Variants in FAM124A observed in about 807,000 individuals in gnomAD.
FAM124A encodes protein FAM124A.
FAM124A carries 23 observed loss-of-function variants against 24.5 expected under a neutral mutation model. The ratio of observed to expected loss-of-function variants is 0.94; its 90% CI spans 0.68 to 1.33. FAM124A has a LOEUF of 1.33. Among genes scored for constraint, FAM124A ranks in the 40% most tolerant of loss-of-function variants. The probability of loss-of-function intolerance (pLI) is 0.00; values close to 1 mark genes in which losing one functional copy is unlikely to be tolerated. For missense variants in FAM124A, 623 were observed against 722.8 expected, an observed-to-expected ratio of 0.86 and a Z score of 1.58; for synonymous variants, 287 against 314.7, an observed-to-expected ratio of 0.91 and a Z score of 0.93.
chr13:51,280,687 C>A lies in FAM124A; in HGVS notation c.1072C>A (p.Gln358Lys), dbSNP rs1175662156. 6.2e-7 allele frequency: 1 copy of A among 1,614,044 alleles called. No individual in the cohort carries two copies. Among genetic ancestry groups the A allele is most frequent in the Non-Finnish European group, 8.5e-7 (1 of 1,180,046 alleles). Reference protein sequence around the residue: ...NSTPNPPWSFQRSKSLFCLPT... With the variant: ...NSTPNPPWSFKRSKSLFCLPT... ...CACCCCCAACCCTCCCTGGTCTTTC[C>A]AGAGAAGCAAGTCCTTGTTTTGTTT... The change falls in exon 4 of 4, where the codon CAG becomes AAG. Residue 358 changes from glutamine (Q) to lysine (K), a missense_variant. Transcript: ENST00000322475.
intron 3 of FAM124A, among the ~76,000 whole-genome samples, chr13:51,259,741 A>G (rs979307728): frequency 2.0e-5 from 3 of 152,132 alleles, no homozygotes; most frequent in Non-Finnish European, 4.4e-5. Flanking sequence ...AGCTGCCCAC[A>G]TCACAGGCTT....
At chr13:51,268,285 G>A (rs2137700440) in intron 3 of FAM124A, among the ~76,000 whole-genome samples, 1 of 152,326 alleles carries the variant, frequency 6.6e-6, no homozygotes, top group African/African-American at 2.4e-5. Flanking sequence ...AAAGGGCAAT[G>A]GAAAGGAGTA....
chr13:51,229,175 G>T (rs1038175190), intron 1 of FAM124A, among the ~76,000 whole-genome samples: 2 of 152,246 alleles, frequency 1.3e-5, no homozygotes, highest in Non-Finnish European at 1.5e-5. Flanking sequence ...CCGGGTGAAA[G>T]TTGGACAGCA....
intron 1 of FAM124A, among the ~76,000 whole-genome samples, chr13:51,226,402 A>G (rs2137641261): frequency 6.6e-6 from 1 of 152,200 alleles, no homozygotes; most frequent in South Asian, 2.1e-4. Context: ...TGCAATTAGA[A>G]GGGCAGGCAA....
In FAM124A at chr13:51,282,513, A is replaced by G. The variant is rs1954949482; in HGVS notation, c.*1257A>G. 6.6e-6 allele frequency: 1 copy of G among 152,232 alleles called. No individual in the cohort carries two copies. The highest frequency in any genetic ancestry group is 1.5e-5 in the Non-Finnish European group (1 of 68,052). The allele number at this position is 152,232 out of a possible 1,614,324, so 9.4% of individuals were successfully genotyped here. On this transcript the variant is annotated 3_prime_UTR_variant, in exon 4 of 4. Coordinates refer to ENST00000322475, the MANE Select transcript of FAM124A (RefSeq NM_001242312.2). ...GTTTGTTTACAGCCCCAACCTCAGC[A>G]ATGCCAAAGGCTGGCATCGGGGGCA...
intron 3 of FAM124A, among the ~76,000 whole-genome samples, chr13:51,269,372 G>T (rs1954818567): frequency 1.3e-5 from 2 of 152,332 alleles, no homozygotes; most frequent in South Asian, 4.1e-4. Flanking sequence ...ATTAAGACAA[G>T]AGGTCAACCT....
intron 1 of FAM124A, among the ~76,000 whole-genome samples, chr13:51,230,364 G>A (rs576720627): frequency 4.6e-5 from 7 of 152,284 alleles, no homozygotes; most frequent in African/African-American, 1.4e-4. Flanking sequence ...GTTCAATGGA[G>A]TGAAAATTGG....
intron 2 of FAM124A, among the ~76,000 whole-genome samples, chr13:51,239,567 C>T (rs1428194977): frequency 6.6e-6 from 1 of 152,134 alleles, no homozygotes; most frequent in Non-Finnish European, 1.5e-5. Context: ...ATTGTTGGTC[C>T]TATAGGTTGT....
At chr13:51,239,674 G>A (rs972392085) in intron 2 of FAM124A, among the ~76,000 whole-genome samples, 1 of 152,114 alleles carries the variant, frequency 6.6e-6, no homozygotes, top group Admixed American at 6.5e-5. Flanking sequence ...TCCTACAATT[G>A]GAATTGCTGG....
intron 3 of FAM124A, among the ~76,000 whole-genome samples, chr13:51,271,208 T>A (rs1954837413): frequency 1.3e-5 from 2 of 152,200 alleles, no homozygotes; most frequent in South Asian, 4.1e-4. Context: ...AGAACGCTCC[T>A]GTGTGCTGGC....
At chr13:51,276,128 T>C (rs1350249709) in intron 3 of FAM124A, among the ~76,000 whole-genome samples, 1 of 152,150 alleles carries the variant, frequency 6.6e-6, no homozygotes, top group Non-Finnish European at 1.5e-5. Flanking sequence ...CCGGGTCTTG[T>C]AGAGCTTGCC....
intron 3 of FAM124A, among the ~76,000 whole-genome samples, chr13:51,256,943 GTCTT>G (rs1427890082): frequency 6.6e-6 from 1 of 152,148 alleles, no homozygotes; most frequent in Non-Finnish European, 1.5e-5. Flanking sequence ...TATAGTATTT[GTCTT>G]TCTGTTATTG....
At chr13:51,231,205 A>G (rs1954373098) in intron 1 of FAM124A, 143 bp from the exon 2 acceptor site, 11 of 854,882 alleles carry the variant, frequency 1.3e-5, no homozygotes, top group Non-Finnish European at 1.5e-5. Context: ...TATTTTGCAT[A>G]AAATGAGCCT....
intron 1 of FAM124A, among the ~76,000 whole-genome samples, chr13:51,228,846 T>C (rs1045228391): frequency 1.3e-5 from 2 of 152,172 alleles, no homozygotes; most frequent in African/African-American, 2.4e-5. Flanking sequence ...CCATGATAAT[T>C]TTTCTAAGGA....
chr13:51,243,147 G>A (rs1238070453), intron 2 of FAM124A, among the ~76,000 whole-genome samples: 1 of 152,166 alleles, frequency 6.6e-6, no homozygotes, highest in Non-Finnish European at 1.5e-5. Context: ...TTCCAGCACT[G>A]CAACCAGTCT....
chr13:51,231,214 C>A, intron 1 of FAM124A, 134 bp from the exon 2 acceptor site: 1 of 922,402 alleles, frequency 1.1e-6, no homozygotes, highest in African/African-American at 1.7e-5. Context: ...TAAAATGAGC[C>A]TTAGCACTGC....
rs769069526 is a variant in FAM124A at position 51,251,815 on chromosome 13, T to C, written c.448T>C (p.Phe150Leu). Residue 150 changes from phenylalanine to leucine, a missense_variant, in exon 3 of 4, where the codon TTC becomes CTC. Physicochemically the swap from Phe to Leu is conservative, Grantham distance 22. Coordinates refer to ENST00000322475, the MANE Select transcript of FAM124A (RefSeq NM_001242312.2). This position sits in a 1 kb window ranked among gnomAD's most constrained non-coding sequence, Gnocchi z 5.3. ...FLPYLPCSQDFFTLAPGTPLW... is the reference protein window; with the variant it reads ...FLPYLPCSQDLFTLAPGTPLW... ...GCCCTACCTGCCCTGCAGCCAGGAC[T>C]TCTTCACGCTGGCCCCTGGGACGCC... 2 of 1,601,236 alleles carry C rather than the reference T, an allele frequency of 1.2e-6. No homozygotes were observed. Among genetic ancestry groups the C allele is most frequent in the African/African-American group, 1.3e-5 (1 of 74,768 alleles).
rs564900941 is a variant in FAM124A, at chr13:51,272,191, C to A, written c.835-8259C>A. Among the ~76,000 whole-genome samples the A allele has an allele frequency of 6.6e-6, 1 of 152,114 alleles. No homozygotes were observed. The highest frequency in any genetic ancestry group is 2.4e-5 in the African/African-American group (1 of 41,404). Reference sequence around the variant, plus strand: ...CCCAGTTCAGCAAAACCAGAATATCCTTTTCCCCCTATCTTCTTACAAGGA... The same window carrying A: ...CCCAGTTCAGCAAAACCAGAATATCATTTTCCCCCTATCTTCTTACAAGGA... On this transcript the variant is annotated intron_variant, in intron 3 of 3. Transcript: ENST00000322475. The surrounding 1 kb of genome is among the most constrained non-coding windows in gnomAD (Gnocchi z 4.2).
intron 3 of FAM124A, among the ~76,000 whole-genome samples, chr13:51,261,330 G>A (rs1384570612): frequency 6.6e-6 from 1 of 152,146 alleles, no homozygotes; most frequent in African/African-American, 2.4e-5. Flanking sequence ...CCATGGGCTT[G>A]CCCCTGGGCC....
Sources: allele counts gnomAD v4.1 joint callset (sites outside exome capture counted in the v4.1 genomes callset), GRCh38; gene constraint gnomAD v4.1.1; non-coding constraint Gnocchi (gnomAD v3.1); transcripts MANE v1.5; gene names NCBI Gene and HGNC (gene_info 2026-07-23, HGNC 2026-07-21).